STX3: variants seen among roughly 807,000 people sequenced by gnomAD.
The protein encoded by STX3 is syntaxin 3.
STX3 carries 19 observed loss-of-function variants against 40.2 expected under a neutral mutation model. The observed-to-expected ratio is 0.47, with a 90% CI of 0.33 to 0.69. The LOEUF (loss-of-function observed/expected upper bound fraction) is 0.69, where lower values mean the gene tolerates loss of function less well. Among genes scored for constraint, STX3 ranks in the 30% least tolerant of loss-of-function variants. The pLI is 0.02. For missense variants in STX3, 364 were observed against 366.7 expected (o/e 0.99, Z 0.06); for synonymous variants, 122 against 132.2 (o/e 0.92, Z 0.53).
chr11:59,755,529 A>G lies in STX3; in HGVS notation c.-77A>G. 6.7e-7 allele frequency: 1 copy of G among 1,495,268 alleles called. No individual in the cohort carries two copies. The highest frequency in any genetic ancestry group is 2.2e-5 in the Admixed American group (1 of 45,476). The allele number at this position is 1,495,268 out of a possible 1,614,324, so 92.6% of individuals were successfully genotyped here. On this transcript the variant is annotated 5_prime_UTR_variant, in exon 1 of 11. Transcript: ENST00000337979. ...GGCGGGCCCGGCCGCCGCTTCCGGC[A>G]GCTCACCTGGGAAGCGCTCACCTGG...
Position 59,760,499 on chromosome 11 carries a change from C to G in STX3, c.30+4864C>G, listed in dbSNP as rs1437545386. Among the ~76,000 whole-genome samples the G allele has an allele frequency of 2.0e-5, 3 of 151,582 alleles. No individual in the cohort carries two copies. In the East Asian group the frequency reaches 5.8e-4, roughly 29 times the overall value. On this transcript the variant is annotated intron_variant, in intron 1 of 10. Coordinates refer to ENST00000337979, the MANE Select transcript of STX3 (RefSeq NM_004177.5). ...GTCCGTTGCTTTTTATAAGTTAGAC[C>G]CTTTATCCCCTTTATCTTCTAGGTC...
At chr11:59,771,644 C>T (rs952488964) in intron 1 of STX3, among the ~76,000 whole-genome samples, 3 of 151,998 alleles carry the variant, frequency 2.0e-5, no homozygotes, top group African/African-American at 7.3e-5. Flanking sequence ...CAGCAGAACT[C>T]CCTGTGTGAT....
At chr11:59,771,200 G>A (rs374067162) in intron 1 of STX3, among the ~76,000 whole-genome samples, 8 of 125,362 alleles carry the variant, frequency 6.4e-5, no homozygotes, top group African/African-American at 2.5e-4. Flanking sequence ...TGAGGCGGGT[G>A]GATTACTTGA....
intron 1 of STX3, among the ~76,000 whole-genome samples, chr11:59,762,676 G>C (rs1863096703): frequency 6.6e-6 from 1 of 151,714 alleles, no homozygotes; most frequent in South Asian, 2.1e-4. Context: ...GAATGCCATG[G>C]TGGTGTCCAG....
At chr11:59,763,159 A>T (rs1863123140) in intron 1 of STX3, among the ~76,000 whole-genome samples, 1 of 152,190 alleles carries the variant, frequency 6.6e-6, no homozygotes. Context: ...GTTACTTTGC[A>T]TGGAACATTG....
intron 3 of STX3, 126 bp from the exon 4 acceptor site, chr11:59,788,747 G>C (rs1864922898): frequency 1.5e-6 from 1 of 686,712 alleles, no homozygotes. Flanking sequence ...GAGTGCGTAG[G>C]GATAAATACC....
In STX3 at chr11:59,755,404, G is replaced by A. The variant is rs528254048; in HGVS notation, c.-202G>A. 7.8e-4 allele frequency: 328 copies of A among 422,704 alleles called. 1 individual carries two copies. Among genetic ancestry groups the A allele is most frequent in the South Asian group, 1.5e-3 (16 of 10,968 alleles). The allele number at this position is 422,704 out of a possible 1,614,324, so 26.2% of individuals were successfully genotyped here. On this transcript the variant is annotated 5_prime_UTR_variant, in exon 1 of 11. Transcript: ENST00000337979. ...TTTGGAGCGCGAGGCGCCGGTGGGG[G>A]CGGAGGGGGCTGCGCGGCGGAGGCT...
rs1056208079 is a variant in STX3 at position 59,805,658 on chromosome 11, C to T, written c.*4834C>T. 1.3e-5 allele frequency: 2 copies of T among 152,254 alleles called. No individual in the cohort carries two copies. The highest frequency in any genetic ancestry group is 4.8e-5 in the African/African-American group (2 of 41,448). The allele number at this position is 152,254 out of a possible 1,614,324, so 9.4% of individuals were successfully genotyped here. A position where few individuals can be genotyped will look rare whatever the true frequency, so the allele number is the denominator to read the frequency against. On this transcript the variant is annotated 3_prime_UTR_variant, in exon 11 of 11. Coordinates refer to ENST00000337979, the MANE Select transcript of STX3 (RefSeq NM_004177.5). ...GTAAGAATTTAAGTGGTGCATGGCA[C>T]ATAGCACTGTACTAGATTCTGCAGG... is the stretch of plus-strand genomic sequence containing the variant.
chr11:59,785,019 A>G (rs1864660898), intron 2 of STX3, among the ~76,000 whole-genome samples: 1 of 152,182 alleles, frequency 6.6e-6, no homozygotes, highest in Non-Finnish European at 1.5e-5. Context: ...TAGCTATGTG[A>G]CCTATAATTT....
rs1314052769 is a variant in STX3 at position 59,773,194 on chromosome 11, T to C, written c.31-17T>C. On this transcript the variant is annotated splice_polypyrimidine_tract_variant and intron_variant, in intron 1 of 10. Transcript: ENST00000337979. ...TTGTGTTTTTAGCCTCACTCTGCTC[T>C]TTTTTGCCTTTTGCAGAAGCAGCTG... 1.2e-6 allele frequency: 2 copies of C among 1,613,464 alleles called. No homozygotes were observed. The highest frequency in any genetic ancestry group is 1.7e-6 in the Non-Finnish European group (2 of 1,179,550).
intron 1 of STX3, 114 bp downstream of exon 1, chr11:59,755,749 C>T: frequency 2.2e-6 from 3 of 1,364,214 alleles, no homozygotes; most frequent in Non-Finnish European, 2.9e-6. Flanking sequence ...GCTTGCCCTC[C>T]CCAAGCCCCC....
chr11:59,769,060 A>G (rs1863421433), intron 1 of STX3, among the ~76,000 whole-genome samples: 1 of 152,172 alleles, frequency 6.6e-6, no homozygotes, highest in Non-Finnish European at 1.5e-5. Flanking sequence ...ATGTATTGGG[A>G]AACAGGGACA....
intron 2 of STX3, among the ~76,000 whole-genome samples, chr11:59,786,264 C>G (rs1038791587): frequency 7.0e-6 from 1 of 142,798 alleles, no homozygotes; most frequent in African/African-American, 2.6e-5. Flanking sequence ...TTTTTTGAGG[C>G]AGTCTCGCTG....
intron 1 of STX3, among the ~76,000 whole-genome samples, chr11:59,766,449 A>G (rs1863287766): frequency 6.6e-6 from 1 of 152,206 alleles, no homozygotes; most frequent in South Asian, 2.1e-4. Context: ...AAGCAGATAA[A>G]AGTAAAGCTC....
At chr11:59,800,293 G>A in intron 10 of STX3, 1 of 985,380 alleles carries the variant, frequency 1.0e-6, no homozygotes, top group Non-Finnish European at 1.2e-6. Flanking sequence ...ATATTTCCTA[G>A]TAATGTGCCA....
At chr11:59,770,224 T>G (rs140823974) in intron 1 of STX3, among the ~76,000 whole-genome samples, 1 of 149,946 alleles carries the variant, frequency 6.7e-6, no homozygotes, top group South Asian at 2.1e-4. Context: ...GGGGTGTATG[T>G]GTGTAATGTA....
intron 8 of STX3, among the ~76,000 whole-genome samples, chr11:59,794,980 G>A (rs550799123): frequency 6.6e-6 from 1 of 152,322 alleles, no homozygotes; most frequent in South Asian, 2.1e-4. Flanking sequence ...CCAGGAAGAG[G>A]CCAGCATCCT....
At position 59,768,131 on chromosome 11, in the gene STX3, G is replaced by A. The variant is rs147335322; in HGVS notation, c.31-5080G>A. On this transcript the variant is annotated intron_variant, in intron 1 of 10. Transcript: ENST00000337979. ...CATATATTTTTTATAGAAGAAGGAG[G>A]CAGGGAAGAGGGGTGGATTTTGCAG... 1.3e-4 allele frequency among the ~76,000 whole-genome samples: 20 copies of A among 152,292 alleles called. No homozygotes were observed. The East Asian group carries it at 3.7e-3, about 28-fold the overall frequency.
chr11:59,802,719 T>C lies in STX3; in HGVS notation c.*1895T>C. 1.0e-6 allele frequency: 1 copy of C among 985,978 alleles called. No homozygotes were observed. Among genetic ancestry groups the C allele is most frequent in the Non-Finnish European group, 1.2e-6 (1 of 830,040 alleles). The allele number at this position is 985,978 out of a possible 1,614,324, so 61.1% of individuals were successfully genotyped here. On this transcript the variant is annotated 3_prime_UTR_variant, in exon 11 of 11. Transcript: ENST00000337979. The stretch of plus-strand genomic sequence containing the variant: ...ATTGATTGTGAAACGGTTCTGGCTC[T>C]GTCTCGATGCAGAAACACAATGATC...
Sources: allele counts gnomAD v4.1 joint callset (sites outside exome capture counted in the v4.1 genomes callset), GRCh38; gene constraint gnomAD v4.1.1; transcripts MANE v1.5; gene names NCBI Gene and HGNC (gene_info 2026-07-23, HGNC 2026-07-21).